The following RBFOX1 variants were observed in gnomAD, a reference collection of about 807,000 sequenced individuals.
RBFOX1 encodes RNA binding fox-1 homolog 1, also known as RNA binding protein fox-1 homolog 1.
RBFOX1 carries 8 observed loss-of-function variants against 57.7 expected under a neutral mutation model. That is an observed-to-expected ratio of 0.14 (90% CI 0.08 to 0.25). The LOEUF is 0.25. RBFOX1 is among the 10% of genes least tolerant of loss of function. The pLI is 1.00. For synonymous variants in RBFOX1, 326 were observed against 222.4 expected (o/e 1.47, Z -4.15); for missense variants, 611 against 548.5 (o/e 1.11, Z -1.14).
intron 3 of RBFOX1, among the ~76,000 whole-genome samples, chr16:5,814,355 C>T (rs545803385): frequency 2.6e-5 from 4 of 152,332 alleles, no homozygotes; most frequent in South Asian, 4.1e-4. Flanking sequence ...ATGAAGATCT[C>T]TGTTTGCTTC....
At chr16:6,450,833 A>ACATACATATG (rs1567303768) in intron 2 of RBFOX1, among the ~76,000 whole-genome samples, 1 of 35,038 alleles carries the variant, frequency 2.9e-5, no homozygotes, top group Non-Finnish European at 5.1e-5. Context: ...ATATATATAT[A>ACATACATATG]TATGTGTATA....
chr16:7,548,872 C>T (rs939920117), intron 5 of RBFOX1, among the ~76,000 whole-genome samples: 6 of 152,204 alleles, frequency 3.9e-5, no homozygotes, highest in African/African-American at 1.4e-4. Context: ...GGACCCACTT[C>T]ATTATGAATG....
intron 1 of RBFOX1, among the ~76,000 whole-genome samples, chr16:6,249,036 A>C (rs1410608442): frequency 6.6e-6 from 1 of 152,214 alleles, no homozygotes; most frequent in East Asian, 1.9e-4. Context: ...GGCAACAAAC[A>C]TAAATTGATC....
chr16:7,678,516 T>G lies in RBFOX1; in HGVS notation c.995+1678T>G, dbSNP rs192710599. On this transcript the variant is annotated intron_variant, in intron 14 of 15. Transcript: ENST00000550418. The stretch of plus-strand genomic sequence containing the variant: ...GCTAAATTCTCAAACACCCACTTTG[T>G]ATATAATTATAATCATAGTAACTCT... 1.4e-3 allele frequency among the ~76,000 whole-genome samples: 214 copies of G among 152,340 alleles called. 3 individuals carry two copies. The highest frequency in any genetic ancestry group is 1.5e-3 in the South Asian group (7 of 4,824).
chr16:6,985,382 G>T (rs1370092921), intron 3 of RBFOX1, among the ~76,000 whole-genome samples: 1 of 152,142 alleles, frequency 6.6e-6, no homozygotes, highest in African/African-American at 2.4e-5. Flanking sequence ...CTTATAAATA[G>T]GTATGGCTGG....
intron 2 of RBFOX1, among the ~76,000 whole-genome samples, chr16:6,590,723 C>G (rs746224745): frequency 1.3e-5 from 2 of 152,116 alleles, no homozygotes; most frequent in African/African-American, 4.8e-5. Flanking sequence ...TTCGTATTGA[C>G]GGTCGTACAT....
chr16:5,775,239 C>T (rs949435713), intron 3 of RBFOX1, among the ~76,000 whole-genome samples: 1 of 152,172 alleles, frequency 6.6e-6, no homozygotes, highest in African/African-American at 2.4e-5. Context: ...CTTACTCAAC[C>T]ACCATAGCTG....
At chr16:5,763,382 C>G (rs996817626) in intron 3 of RBFOX1, among the ~76,000 whole-genome samples, 1 of 152,170 alleles carries the variant, frequency 6.6e-6, no homozygotes, top group Non-Finnish European at 1.5e-5. Context: ...CCAGCTACAG[C>G]GATGCAAACG....
At chr16:6,460,027 A>AAT in intron 2 of RBFOX1, among the ~76,000 whole-genome samples, 1 of 138,234 alleles carries the variant, frequency 7.2e-6, no homozygotes, top group Non-Finnish European at 1.5e-5. Context: ...AAAAAAAAAA[A>AAT]ATTCTTGCTC....
intron 4 of RBFOX1, among the ~76,000 whole-genome samples, chr16:7,105,936 A>G (rs564320225): frequency 6.6e-6 from 1 of 152,264 alleles, no homozygotes; most frequent in East Asian, 1.9e-4. Flanking sequence ...AAGGAAGGAA[A>G]GCAATTGTTC....
intron 4 of RBFOX1, among the ~76,000 whole-genome samples, chr16:5,951,311 G>A (rs2059515365): frequency 6.6e-6 from 1 of 152,040 alleles, no homozygotes; most frequent in South Asian, 2.1e-4. Flanking sequence ...ACCCGGGTGT[G>A]GTGGTGTGTG....
chr16:6,823,316 G>C (rs1199471055), intron 3 of RBFOX1, among the ~76,000 whole-genome samples: 1 of 151,756 alleles, frequency 6.6e-6, no homozygotes, highest in African/African-American at 2.4e-5. Context: ...GAGTGCAATG[G>C]CATGATCTTG....
chr16:5,548,165 AAAAAAAAAAATAT>A lies in RBFOX1; in HGVS notation c.259-50735_259-50723del, dbSNP rs1388238281. ...GACAGAGCAAGACTCTGTTAAAAAA[AAAAAAAAAAATAT>A]ATATATATATATATATATATATATA... On this transcript the variant is annotated intron_variant, in intron 2 of 2. Transcript: ENST00000585867. Among the ~76,000 whole-genome samples, 28 of 49,930 alleles carry A rather than the reference AAAAAAAAAAATAT, an allele frequency of 5.6e-4. 1 individual carries two copies. Among genetic ancestry groups the A allele is most frequent in the Admixed American group, 1.6e-3 (6 of 3,656 alleles). The allele number at this position is 49,930 out of a possible 152,430, so 32.8% of individuals were successfully genotyped here.
At chr16:7,118,467 A>C (rs986957228) in intron 4 of RBFOX1, among the ~76,000 whole-genome samples, 1 of 152,106 alleles carries the variant, frequency 6.6e-6, no homozygotes, top group African/African-American at 2.4e-5. Flanking sequence ...AAAATTACCT[A>C]TCGGGTACAA....
At chr16:6,656,567 G>A (rs1206089121) in intron 3 of RBFOX1, among the ~76,000 whole-genome samples, 1 of 150,454 alleles carries the variant, frequency 6.6e-6, no homozygotes, top group Non-Finnish European at 1.5e-5. Flanking sequence ...GTGCATATGT[G>A]ATTTCAGCTC....
chr16:5,430,101 A>G (rs556184776), intron 1 of RBFOX1, among the ~76,000 whole-genome samples: 19 of 152,300 alleles, frequency 1.2e-4, no homozygotes, highest in African/African-American at 4.6e-4. Context: ...TCCTCTGACA[A>G]ATTCTCCACT....
intron 2 of RBFOX1, among the ~76,000 whole-genome samples, chr16:6,548,514 A>G (rs192360206): frequency 1.8e-4 from 27 of 152,356 alleles, no homozygotes; most frequent in African/African-American, 5.1e-4. Flanking sequence ...TTCAGTTCCA[A>G]GTGAAAAAAG....
chr16:5,663,220 T>C (rs2049715255), intron 3 of RBFOX1, among the ~76,000 whole-genome samples: 2 of 152,162 alleles, frequency 1.3e-5, no homozygotes. Context: ...ATTATTTTAT[T>C]TTATTTTCAA....
intron 2 of RBFOX1, among the ~76,000 whole-genome samples, chr16:6,486,339 T>A (rs995009749): frequency 2.6e-5 from 4 of 152,004 alleles, no homozygotes; most frequent in Non-Finnish European, 5.9e-5. Context: ...CTGTCTAAAT[T>A]TATAATTTTT....
Sources: allele counts gnomAD v4.1 joint callset (sites outside exome capture counted in the v4.1 genomes callset), GRCh38; gene constraint gnomAD v4.1.1; transcripts MANE v1.5; gene names NCBI Gene and HGNC (gene_info 2026-07-23, HGNC 2026-07-21).